CADM2: variants seen among roughly 807,000 people sequenced by gnomAD.
CADM2 encodes immunoglobulin superfamily member 4D.
CADM2 carries 12 observed loss-of-function variants against 49.8 expected under a neutral mutation model. The observed-to-expected ratio is 0.24, with a 90% confidence interval of 0.15 to 0.39. The LOEUF (loss-of-function observed/expected upper bound fraction) is 0.39. Among genes scored for constraint, CADM2 ranks in the 10% least tolerant of loss-of-function variants. The probability of loss-of-function intolerance (pLI) is 1.00; values close to 1 mark genes in which losing one functional copy is unlikely to be tolerated. For missense variants in CADM2, 378 were observed against 492.3 expected (o/e 0.77, Z 2.20); for synonymous variants, 214 against 175.4 (o/e 1.22, Z -1.74).
At chr3:85,098,846 T>C (rs1339469106) in intron 1 of CADM2, among the ~76,000 whole-genome samples, 3 of 152,176 alleles carry the variant, frequency 2.0e-5, no homozygotes. Context: ...AGTGGAGCCA[T>C]GCAGTTCAAA....
chr3:85,456,315 G>T (rs1359559087), intron 1 of CADM2, among the ~76,000 whole-genome samples: 1 of 152,090 alleles, frequency 6.6e-6, no homozygotes, highest in African/African-American at 2.4e-5. Flanking sequence ...CTCTGACCCT[G>T]TATCTACTTG....
intron 1 of CADM2, among the ~76,000 whole-genome samples, chr3:85,622,548 T>C (rs898780727): frequency 2.0e-5 from 3 of 152,118 alleles, no homozygotes; most frequent in African/African-American, 4.8e-5. Flanking sequence ...AAAATTAACA[T>C]ATGGAATTTT....
At chr3:85,677,917 C>A (rs2065930940) in intron 1 of CADM2, among the ~76,000 whole-genome samples, 1 of 152,160 alleles carries the variant, frequency 6.6e-6, no homozygotes, top group South Asian at 2.1e-4. Flanking sequence ...TGGATTCCTT[C>A]TAACTTTGAT....
intron 1 of CADM2, among the ~76,000 whole-genome samples, chr3:85,284,977 A>G (rs182906750): frequency 1.4e-4 from 21 of 152,220 alleles, no homozygotes; most frequent in Non-Finnish European, 2.5e-4. Flanking sequence ...TTCTAGAGAA[A>G]CATGGCAGTG....
intron 1 of CADM2, among the ~76,000 whole-genome samples, chr3:85,129,493 T>C (rs1217858659): frequency 6.6e-6 from 1 of 152,222 alleles, no homozygotes; most frequent in African/African-American, 2.4e-5. Context: ...TCTGAAACTT[T>C]TGTGTCACAT....
At chr3:85,793,737 T>A (rs1277743853) in intron 2 of CADM2, among the ~76,000 whole-genome samples, 30 of 152,200 alleles carry the variant, frequency 2.0e-4, no homozygotes, top group Non-Finnish European at 1.5e-5. Flanking sequence ...AAAATAGGTG[T>A]AAAAGGTCTA....
chr3:84,983,820 T>A (rs1273238438), intron 1 of CADM2, among the ~76,000 whole-genome samples: 2 of 152,116 alleles, frequency 1.3e-5, no homozygotes, highest in Admixed American at 1.3e-4. Context: ...ATTCTTGGAA[T>A]TTCAATACAC....
At chr3:85,890,039 C>T (rs1714209899) in intron 5 of CADM2, among the ~76,000 whole-genome samples, 1 of 152,118 alleles carries the variant, frequency 6.6e-6, no homozygotes, top group Non-Finnish European at 1.5e-5. Flanking sequence ...AAGCAAGTCT[C>T]AGTCGATCTA....
At chr3:85,823,576 A>G (rs530177356) in intron 3 of CADM2, among the ~76,000 whole-genome samples, 1 of 152,308 alleles carries the variant, frequency 6.6e-6, no homozygotes, top group South Asian at 2.1e-4. Context: ...TGTTATGTGG[A>G]AAGTAGAGAT....
chr3:85,277,804 GAAT>G (rs2043394947), intron 1 of CADM2, among the ~76,000 whole-genome samples: 1 of 149,822 alleles, frequency 6.7e-6, no homozygotes, highest in African/African-American at 2.4e-5. Context: ...ATAAAATATA[GAAT>G]AAAAAAGTTT....
chr3:85,090,789 TGCGAGGGC>T (rs1490494268), intron 1 of CADM2, among the ~76,000 whole-genome samples: 3 of 152,200 alleles, frequency 2.0e-5, no homozygotes, highest in Non-Finnish European at 4.4e-5. Context: ...CAACTGCACA[TGCGAGGGC>T]TCTAGGTTGT....
At chr3:85,582,083 G>A (rs1287986210) in intron 1 of CADM2, among the ~76,000 whole-genome samples, 7 of 151,952 alleles carry the variant, frequency 4.6e-5, no homozygotes, top group Admixed American at 4.6e-4. Context: ...GCGCCACCAA[G>A]TCCAGCTAAT....
At chr3:85,731,235 C>G (rs902827129) in intron 2 of CADM2, among the ~76,000 whole-genome samples, 3 of 152,144 alleles carry the variant, frequency 2.0e-5, no homozygotes, top group African/African-American at 7.2e-5. Context: ...GACATTGCTT[C>G]AAACTATTTT....
At chr3:85,814,685 A>G (rs1032506869) in intron 3 of CADM2, among the ~76,000 whole-genome samples, 8 of 151,966 alleles carry the variant, frequency 5.3e-5, no homozygotes, top group African/African-American at 1.9e-4. Flanking sequence ...TGATATAGGA[A>G]ATATCACCAC....
chr3:84,986,625 G>A (rs897601264), intron 1 of CADM2, among the ~76,000 whole-genome samples: 1 of 151,722 alleles, frequency 6.6e-6, no homozygotes, highest in African/African-American at 2.4e-5. Flanking sequence ...AGCGGGGAGG[G>A]ATAGCATTAG....
chr3:85,465,666 G>A (rs530158885), intron 1 of CADM2, among the ~76,000 whole-genome samples: 1 of 152,122 alleles, frequency 6.6e-6, no homozygotes, highest in South Asian at 2.1e-4. Flanking sequence ...AAGATTATAG[G>A]CGTGTTACAT....
chr3:85,886,276 A>G lies in CADM2; in HGVS notation c.478A>G (p.Ser160Gly). 1 of 1,613,936 alleles carries G rather than the reference A, an allele frequency of 6.2e-7. No homozygotes were observed. Among genetic ancestry groups the G allele is most frequent in the South Asian group, 1.1e-5 (1 of 91,070 alleles). The change falls in exon 5 of 10, where the codon AGT becomes GGT. Residue 160 changes from serine (S) to glycine (G), a missense_variant. By Grantham distance (56) the Ser-to-Gly change is moderately conservative. Transcript: ENST00000383699. ...LMQLTCKTSG[S>G]KPAADIRWFK... Reference sequence around the variant, plus strand: ...GCAGCTGACTTGCAAAACATCTGGTAGTAAACCTGCAGCTGATATAAGATG... The same window carrying G: ...GCAGCTGACTTGCAAAACATCTGGTGGTAAACCTGCAGCTGATATAAGATG...
At chr3:85,768,141 T>A (rs989274867) in intron 2 of CADM2, among the ~76,000 whole-genome samples, 4 of 152,144 alleles carry the variant, frequency 2.6e-5, no homozygotes, top group Non-Finnish European at 5.9e-5. Flanking sequence ...GTTACATGGA[T>A]ATTTATTTAA....
intron 1 of CADM2, among the ~76,000 whole-genome samples, chr3:85,078,324 A>G (rs1210830483): frequency 6.6e-6 from 1 of 152,032 alleles, no homozygotes; most frequent in Admixed American, 6.6e-5. Context: ...ATATTGAAGT[A>G]CATGACATTA....
Sources: allele counts gnomAD v4.1 joint callset (sites outside exome capture counted in the v4.1 genomes callset), GRCh38; gene constraint gnomAD v4.1.1; transcripts MANE v1.5; gene names NCBI Gene and HGNC (gene_info 2026-07-23, HGNC 2026-07-21).